The following ZNF445 variants were observed in gnomAD, a reference collection of about 807,000 sequenced individuals.
ZNF445 encodes the protein zinc finger protein 168.
ZNF445 carries 19 observed loss-of-function variants against 93.9 expected under a neutral mutation model. The ratio of observed to expected loss-of-function variants is 0.20; its 90% confidence interval spans 0.14 to 0.30. The LOEUF is 0.30. ZNF445 is among the 10% of genes least tolerant of loss of function. The pLI is 1.00. For missense variants in ZNF445, 1,058 were observed against 1,259.4 expected (o/e 0.84, Z 2.42); for synonymous variants, 449 against 446.3 (o/e 1.01, Z -0.08).
intron 3 of ZNF445, 59 bp from the exon 4 acceptor site, chr3:44,451,541 G>A (rs1697957889): frequency 3.2e-6 from 5 of 1,557,864 alleles, no homozygotes; most frequent in Non-Finnish European, 4.4e-6. Flanking sequence ...CAAACTCAGA[G>A]AAGAGACCAC....
Position 44,447,454 on chromosome 3 carries a change from G to T in ZNF445, c.2217C>A (p.Gly739=), listed in dbSNP as rs374111571. The change falls in exon 8 of 8, where the codon GGC becomes GGA. Residue 739 remains glycine, a synonymous_variant. Transcript: ENST00000396077. This position sits in a 1 kb window ranked among gnomAD's most constrained non-coding sequence, Gnocchi z 4.7. ...CTGTGTCCTGACTAAAAGATGGCCC[G>T]CCCTCAGGTTTTCTTTTCATGGCAT... ...KKHAMKRKPE[G]GPSFSQDTVF... 5.9e-5 allele frequency: 95 copies of T among 1,614,006 alleles called. No individual in the cohort carries two copies. Among genetic ancestry groups the T allele is most frequent in the Non-Finnish European group, 7.9e-5 (93 of 1,180,018 alleles).
intron 2 of ZNF445, among the ~76,000 whole-genome samples, chr3:44,457,691 G>C (rs1050285532): frequency 6.6e-6 from 1 of 152,138 alleles, no homozygotes; most frequent in African/African-American, 2.4e-5. Context: ...CTCACCTCTT[G>C]TACACTTGAA....
intron 1 of ZNF445, among the ~76,000 whole-genome samples, chr3:44,465,053 T>A (rs1295708796): frequency 8.0e-6 from 1 of 124,556 alleles, no homozygotes; most frequent in African/African-American, 3.2e-5. Flanking sequence ...GGCGACAGAG[T>A]GAGACTCCGC....
chr3:44,440,690 G>A lies in ZNF445; in HGVS notation c.*5885C>T, dbSNP rs1315661454. ...ATTCGGGCGAGTCCACAAAGTGAAA[G>A]TAGTTAATATTAAGAAAGTAAAGAA... is the stretch of plus-strand genomic sequence containing the variant. On this transcript the variant is annotated 3_prime_UTR_variant, in exon 8 of 8. Transcript: ENST00000396077. The A allele has an allele frequency of 3.9e-5, 6 of 152,194 alleles. No individual in the cohort carries two copies. Among genetic ancestry groups the A allele is most frequent in the Non-Finnish European group, 8.8e-5 (6 of 68,040 alleles). 9.4% of individuals were successfully genotyped at this position (152,194 alleles called of 1,614,324 possible). A position where few individuals can be genotyped will look rare whatever the true frequency, so the allele number is the denominator to read the frequency against.
In ZNF445 at chr3:44,455,421, T is replaced by C; in HGVS notation, c.129A>G (p.Pro43=). The change falls in exon 3 of 8, where the codon CCA becomes CCG. Residue 43 remains proline (P), a synonymous_variant. Transcript: ENST00000396077. ...ESYTPVQAAR[P]QTLNRPGQEL... is the part of the protein sequence containing the mutation. ...CCTGGCCAGGGCGGTTGAGAGTCTG[T>C]GGCCTGGCAGCCTGCACTGGAGTAT... is the stretch of plus-strand genomic sequence containing the variant. The C allele has an allele frequency of 6.2e-7, 1 of 1,614,232 alleles. No individual in the cohort carries two copies. The highest frequency in any genetic ancestry group is 8.5e-7 in the Non-Finnish European group (1 of 1,180,034).
chr3:44,459,911 T>C (rs1698086219), intron 1 of ZNF445, among the ~76,000 whole-genome samples: 1 of 152,170 alleles, frequency 6.6e-6, no homozygotes, highest in Non-Finnish European at 1.5e-5. Context: ...TCTAAGAATC[T>C]ACTGTGAGAG....
Position 44,439,046 on chromosome 3 carries a change from C to T in ZNF445, c.*7529G>A, listed in dbSNP as rs906536922. Reference sequence around the variant, plus strand: ...AACAAGGACTCCAGGCATGGTGGCTCACACCTGTAATCCCAGCACTTTGGC... The same window carrying T: ...AACAAGGACTCCAGGCATGGTGGCTTACACCTGTAATCCCAGCACTTTGGC... On this transcript the variant is annotated 3_prime_UTR_variant, in exon 8 of 8. Transcript: ENST00000396077. 3.3e-5 allele frequency: 5 copies of T among 151,308 alleles called. No homozygotes were observed. The highest frequency in any genetic ancestry group is 5.9e-5 in the Non-Finnish European group (4 of 67,960). The allele number at this position is 151,308 out of a possible 1,614,324, so 9.4% of individuals were successfully genotyped here. A position where few individuals can be genotyped will look rare whatever the true frequency, so the allele number is the denominator to read the frequency against.
intron 1 of ZNF445, among the ~76,000 whole-genome samples, chr3:44,474,321 C>T (rs12186073): frequency 0.38 from 58,184 of 151,864 alleles, 12,709 homozygotes; most frequent in East Asian, 0.86. Flanking sequence ...TTGAGACTAG[C>T]CTGACCAACA....
Position 44,437,980 on chromosome 3 carries a change from T to C in ZNF445, c.*8595A>G, listed in dbSNP as rs1697721449. ...TCATTTTCCCAGCCCTCACTCAAAA[T>C]GGAGTCGCTCTGGTTCAAATACCTC... On this transcript the variant is annotated 3_prime_UTR_variant, in exon 8 of 8. Transcript: ENST00000396077. The C allele has an allele frequency of 6.5e-6, 1 of 152,900 alleles. No individual in the cohort carries two copies. Among genetic ancestry groups the C allele is most frequent in the Admixed American group, 6.6e-5 (1 of 15,264 alleles). The allele number at this position is 152,900 out of a possible 1,614,324, so 9.5% of individuals were successfully genotyped here.
At chr3:44,464,305 T>C (rs1698162571) in intron 1 of ZNF445, among the ~76,000 whole-genome samples, 1 of 152,190 alleles carries the variant, frequency 6.6e-6, no homozygotes, top group African/African-American at 2.4e-5. Flanking sequence ...AATACATGCT[T>C]TCCTGGCCCT....
rs866050963 is a variant in ZNF445, at chr3:44,434,515, T to C, written c.*12060A>G. 1 of 152,192 alleles carries C rather than the reference T, an allele frequency of 6.6e-6. No individual in the cohort carries two copies. The highest frequency in any genetic ancestry group is 1.5e-5 in the Non-Finnish European group (1 of 68,044). 9.4% of individuals were successfully genotyped at this position (152,192 alleles called of 1,614,324 possible). The stretch of plus-strand genomic sequence containing the variant: ...GTCATATTATGTGTCTTCCAACATG[T>C]CTGGAGCAGTTGCTACTCCCTGTAC... On this transcript the variant is annotated 3_prime_UTR_variant, in exon 8 of 8. Coordinates refer to ENST00000396077, the MANE Select transcript of ZNF445 (RefSeq NM_181489.6).
In ZNF445 at chr3:44,434,845, C is replaced by T. The variant is rs1221411657; in HGVS notation, c.*11730G>A. On this transcript the variant is annotated 3_prime_UTR_variant, in exon 8 of 8. Transcript: ENST00000396077. ...GTTGCTTGCTCTTTGTTATTTTTTC[C>T]CCCATGAAGCTGAAGGCCACGATAG... 1.3e-5 allele frequency: 2 copies of T among 152,144 alleles called. No individual in the cohort carries two copies. Among genetic ancestry groups the T allele is most frequent in the Non-Finnish European group, 2.9e-5 (2 of 68,048 alleles). 9.4% of individuals were successfully genotyped at this position (152,144 alleles called of 1,614,324 possible). A position where few individuals can be genotyped will look rare whatever the true frequency, so the allele number is the denominator to read the frequency against.
intron 1 of ZNF445, among the ~76,000 whole-genome samples, chr3:44,475,052 T>G (rs1698327573): frequency 6.6e-6 from 1 of 152,016 alleles, no homozygotes; most frequent in Non-Finnish European, 1.5e-5. Context: ...TGCAGTGAGC[T>G]GAGATCATGC....
intron 1 of ZNF445, among the ~76,000 whole-genome samples, chr3:44,476,527 A>T (rs977094991): frequency 7.2e-5 from 11 of 152,176 alleles, no homozygotes; most frequent in Non-Finnish European, 1.5e-4. Context: ...CTGCTTAATC[A>T]AATTACTGCT....
At chr3:44,461,125 G>A (rs1032920551) in intron 1 of ZNF445, among the ~76,000 whole-genome samples, 2 of 152,174 alleles carry the variant, frequency 1.3e-5, no homozygotes, top group Non-Finnish European at 2.9e-5. Context: ...CTGCATTGGT[G>A]AGTATCCTAG....
In ZNF445 at chr3:44,445,145, G is replaced by C. The variant is rs1463589638; in HGVS notation, c.*1430C>G. On this transcript the variant is annotated 3_prime_UTR_variant, in exon 8 of 8. Coordinates refer to ENST00000396077, the MANE Select transcript of ZNF445 (RefSeq NM_181489.6). ...TAGCACCAGATCTCATACATGGAGAGGGGTATGTGAAGCTGAGAGGGGCCT... is the reference window on the plus strand; with the variant it reads ...TAGCACCAGATCTCATACATGGAGACGGGTATGTGAAGCTGAGAGGGGCCT... 1 of 152,270 alleles carries C rather than the reference G, an allele frequency of 6.6e-6. No individual in the cohort carries two copies. Among genetic ancestry groups the C allele is most frequent in the Non-Finnish European group, 1.5e-5 (1 of 68,080 alleles). 9.4% of individuals were successfully genotyped at this position (152,270 alleles called of 1,614,324 possible). A position where few individuals can be genotyped will look rare whatever the true frequency, so the allele number is the denominator to read the frequency against.
At position 44,450,245 on chromosome 3, in the gene ZNF445, A is replaced by C. The variant is rs1697938764; in HGVS notation, c.820+202T>G. 40 of 623,238 alleles carry C rather than the reference A, an allele frequency of 6.4e-5. No homozygotes were observed. The East Asian group carries it at 1.2e-3, about 18-fold the overall frequency. The allele number at this position is 623,238 out of a possible 1,614,324, so 38.6% of individuals were successfully genotyped here. A position where few individuals can be genotyped will look rare whatever the true frequency, so the allele number is the denominator to read the frequency against. On this transcript the variant is annotated intron_variant, in intron 6 of 7. Transcript: ENST00000396077. Reference sequence around the variant, plus strand: ...TGAGCTACCACACCCAGCCACCTTTAATCTTTACAATAATCCAGAATGGCA... The same window carrying C: ...TGAGCTACCACACCCAGCCACCTTTCATCTTTACAATAATCCAGAATGGCA...
chr3:44,447,921 A>C lies in ZNF445; in HGVS notation c.1750T>G (p.Phe584Val). 6.2e-7 allele frequency: 1 copy of C among 1,612,232 alleles called. No homozygotes were observed. Among genetic ancestry groups the C allele is most frequent in the Non-Finnish European group, 8.5e-7 (1 of 1,179,812 alleles). The change falls in exon 8 of 8, where the codon TTT becomes GTT. Residue 584 changes from phenylalanine (F) to valine (V), a missense_variant. Physicochemically the swap from Phe to Val is conservative, Grantham distance 50. Transcript: ENST00000396077. This position sits in a 1 kb window ranked among gnomAD's most constrained non-coding sequence, Gnocchi z 4.7. ...YRAALTYSSG[F>V]DHHLGDQSGE... is the part of the protein sequence containing the mutation. ...CTTTGGTCTCCCAAATGATGATCAAACCCTGAGCTGTAGGTGAGAGCTGCC... is the reference window on the plus strand; with the variant it reads ...CTTTGGTCTCCCAAATGATGATCAACCCCTGAGCTGTAGGTGAGAGCTGCC...
At chr3:44,452,151 G>A (rs1307654541) in intron 3 of ZNF445, among the ~76,000 whole-genome samples, 10 of 152,128 alleles carry the variant, frequency 6.6e-5, no homozygotes, top group Non-Finnish European at 1.5e-4. Context: ...TGGTCTCTGA[G>A]GCAAGGCTGT....
Sources: allele counts gnomAD v4.1 joint callset (sites outside exome capture counted in the v4.1 genomes callset), GRCh38; gene constraint gnomAD v4.1.1; non-coding constraint Gnocchi (gnomAD v3.1); transcripts MANE v1.5; gene names NCBI Gene and HGNC (gene_info 2026-07-23, HGNC 2026-07-21).